IMPA1: variants seen among roughly 807,000 people sequenced by gnomAD.
The protein encoded by IMPA1 is inositol monophosphatase 1.
Under a neutral mutation model 34.9 loss-of-function variants are expected in IMPA1, and 21 were observed. The ratio of observed to expected loss-of-function variants is 0.60; its 90% CI spans 0.43 to 0.87. IMPA1 has a LOEUF of 0.87. Ranked by LOEUF, IMPA1 falls within the 40% of genes least tolerant of loss-of-function variation. The pLI, the probability that IMPA1 is intolerant of heterozygous loss-of-function variation, is 0.00. For synonymous variants in IMPA1, 95 were observed against 104.4 expected, an observed-to-expected ratio of 0.91 and a Z score of 0.55; for missense variants, 299 against 336.4, an observed-to-expected ratio of 0.89 and a Z score of 0.87.
intron 7 of IMPA1, among the ~76,000 whole-genome samples, chr8:81,663,205 G>A (rs186588764): frequency 9.2e-4 from 140 of 152,302 alleles, no homozygotes; most frequent in Non-Finnish European, 1.1e-3. Flanking sequence ...ACTCGTTTAT[G>A]AGTAACATAA....
At position 81,680,703 on chromosome 8, in the gene IMPA1, T is replaced by G. The variant is rs749803111; in HGVS notation, c.144A>C (p.Gln48His). 1.9e-6 allele frequency: 3 copies of G among 1,613,052 alleles called. No homozygotes were observed. In the Admixed American group the frequency reaches 5.0e-5, roughly 27 times the overall value. The stretch of plus-strand genomic sequence containing the variant: ...AAGAGATAAGCATTTTTTCAACTTT[T>G]TGGTCCGTAGCAGTTACCAAATCAA... ...SPVDLVTATD[Q>H]KVEKMLISSI... Residue 48 changes from glutamine (Q) to histidine (H), a missense_variant, in exon 3 of 9, where the codon CAA becomes CAC. Physicochemically the swap from Gln to His is conservative, Grantham distance 24. Transcript: ENST00000256108.
chr8:81,681,564 C>T lies in IMPA1; in HGVS notation c.-4G>A, dbSNP rs465178. ...ATTCCTGCCAAGGATCAGCCATCTT[C>T]TGAAAATATTTGACAAATATCTGTA... On this transcript the variant is annotated 5_prime_UTR_variant, in exon 2 of 9. Coordinates refer to ENST00000256108, the MANE Select transcript of IMPA1 (RefSeq NM_005536.4). The T allele has an allele frequency of 6.2e-7, 1 of 1,602,464 alleles. No homozygotes were observed. The highest frequency in any genetic ancestry group is 8.5e-7 in the Non-Finnish European group (1 of 1,169,864).
intron 1 of IMPA1, among the ~76,000 whole-genome samples, chr8:81,683,721 T>C (rs1230365750): frequency 6.6e-6 from 1 of 151,966 alleles, no homozygotes; most frequent in African/African-American, 2.4e-5. Context: ...ACAGGAGAGG[T>C]ATGGCCTCCA....
In IMPA1 at chr8:81,657,351, C is replaced by A. The variant is rs868291234; in HGVS notation, c.*2000G>T. ...TCTGTAATCCCAGCACTTTAGAAGG[C>A]TGAGGCAGGAGGATCACTTGAGCCC... On this transcript the variant is annotated 3_prime_UTR_variant, in exon 9 of 9. Coordinates refer to ENST00000256108, the MANE Select transcript of IMPA1 (RefSeq NM_005536.4). Among the ~76,000 whole-genome samples the A allele has an allele frequency of 6.6e-6, 1 of 152,100 alleles. No individual in the cohort carries two copies. Among genetic ancestry groups the A allele is most frequent in the Non-Finnish European group, 1.5e-5 (1 of 68,022 alleles).
intron 1 of IMPA1, among the ~76,000 whole-genome samples, chr8:81,684,748 T>G (rs1807442447): frequency 7.0e-6 from 1 of 143,766 alleles, no homozygotes; most frequent in African/African-American, 2.5e-5. Context: ...ATACTACACA[T>G]AAGTATATTT....
intron 4 of IMPA1, among the ~76,000 whole-genome samples, chr8:81,678,307 C>T (rs1016229448): frequency 2.6e-5 from 4 of 152,082 alleles, no homozygotes; most frequent in African/African-American, 7.2e-5. Flanking sequence ...ATCGACAGCA[C>T]TCCCCAAGAG....
intron 6 of IMPA1, 29 bp from the exon 7 acceptor site, chr8:81,671,076 T>C: frequency 8.8e-7 from 1 of 1,133,550 alleles, no homozygotes; most frequent in Non-Finnish European, 1.2e-6. Context: ...GTTTCAATAT[T>C]TAGACTTCTA....
intron 4 of IMPA1, among the ~76,000 whole-genome samples, chr8:81,677,005 C>T (rs773126395): frequency 4.0e-5 from 6 of 151,850 alleles, no homozygotes; most frequent in African/African-American, 1.5e-4. Context: ...AAAAAAAAAG[C>T]CAAAATGTAA....
At chr8:81,663,115 T>C (rs189534492) in intron 7 of IMPA1, among the ~76,000 whole-genome samples, 3 of 152,346 alleles carry the variant, frequency 2.0e-5, no homozygotes, top group South Asian at 2.1e-4. Flanking sequence ...GGTTATACTT[T>C]TGAAAAAAAT....
intron 1 of IMPA1, among the ~76,000 whole-genome samples, chr8:81,682,288 T>G (rs1166095579): frequency 6.6e-6 from 1 of 152,216 alleles, no homozygotes; most frequent in African/African-American, 2.4e-5. Context: ...ACCACTGGCT[T>G]GATCACACTC....
chr8:81,676,293 A>G lies in IMPA1; in HGVS notation c.303-14T>C, dbSNP rs1408069674. 1.6e-6 allele frequency: 2 copies of G among 1,227,672 alleles called. No individual in the cohort carries two copies. Among genetic ancestry groups the G allele is most frequent in the Non-Finnish European group, 2.3e-6 (2 of 882,938 alleles). The allele number at this position is 1,227,672 out of a possible 1,614,324, so 76.0% of individuals were successfully genotyped here. On this transcript the variant is annotated splice_polypyrimidine_tract_variant and intron_variant, in intron 4 of 8. Transcript: ENST00000256108. ...ACAAAAGGAAATCTTTTTTTAAAAA[A>G]AAGGACAAAATACAAATTAACCAAC... is the stretch of plus-strand genomic sequence containing the variant.
intron 1 of IMPA1, among the ~76,000 whole-genome samples, chr8:81,682,229 G>A (rs1337420157): frequency 6.6e-6 from 1 of 152,008 alleles, no homozygotes; most frequent in South Asian, 2.1e-4. Flanking sequence ...ATATATTTGT[G>A]TTCTAAACTG....
At chr8:81,667,734 TGA>T (rs1332516195) in intron 7 of IMPA1, among the ~76,000 whole-genome samples, 1 of 117,724 alleles carries the variant, frequency 8.5e-6, no homozygotes. Flanking sequence ...CAGATAAAAC[TGA>T]GGAACAAGGT....
intron 1 of IMPA1, among the ~76,000 whole-genome samples, chr8:81,682,080 C>T (rs1188481571): frequency 6.6e-6 from 1 of 152,176 alleles, no homozygotes; most frequent in Non-Finnish European, 1.5e-5. Context: ...TGACACAGAA[C>T]TTGAATTCAA....
intron 8 of IMPA1, 66 bp from the exon 9 acceptor site, chr8:81,659,532 T>C: frequency 1.2e-6 from 1 of 854,756 alleles, no homozygotes; most frequent in South Asian, 1.4e-5. Flanking sequence ...AAAACAAGTA[T>C]AGCAATATGT....
chr8:81,668,513 A>C (rs144086135), intron 7 of IMPA1, among the ~76,000 whole-genome samples: 93 of 152,292 alleles, frequency 6.1e-4, no homozygotes, highest in African/African-American at 2.2e-3. Context: ...GGACTGCTTG[A>C]GCCCAGGAGG....
intron 7 of IMPA1, among the ~76,000 whole-genome samples, chr8:81,666,869 CAAAAAAAAA>C (rs33975606): frequency 1.0e-4 from 4 of 39,352 alleles, no homozygotes; most frequent in South Asian, 2.5e-3. Context: ...GACTCTGTCT[CAAAAAAAAA>C]AAAAAAAAAA....
chr8:81,665,109 A>G (rs1806782536), intron 7 of IMPA1, among the ~76,000 whole-genome samples: 1 of 152,130 alleles, frequency 6.6e-6, no homozygotes, highest in South Asian at 2.1e-4. Flanking sequence ...ACTACTGCAA[A>G]ACATCGAACG....
intron 2 of IMPA1, among the ~76,000 whole-genome samples, chr8:81,681,124 G>A (rs1807285743): frequency 6.6e-6 from 1 of 152,180 alleles, no homozygotes; most frequent in South Asian, 2.1e-4. Flanking sequence ...GGCTGGGTAT[G>A]GTGGTTCACG....
Sources: gnomAD v4.1 joint callset for allele counts (sites outside exome capture counted in the v4.1 genomes callset) on GRCh38, gnomAD v4.1.1 for gene constraint, MANE v1.5 for transcripts, NCBI Gene and HGNC (gene_info 2026-07-23, HGNC 2026-07-21) for gene names.